The following MARCHF10 variants were observed in gnomAD, a reference collection of about 807,000 sequenced individuals.
The protein encoded by MARCHF10 is probable E3 ubiquitin-protein ligase MARCHF10.
In MARCHF10, 64 loss-of-function variants were observed where a neutral mutation model predicts 76.2. The ratio of observed to expected loss-of-function variants is 0.84; its 90% confidence interval spans 0.69 to 1.03. The LOEUF (loss-of-function observed/expected upper bound fraction) is 1.03. Among genes scored for constraint, MARCHF10 ranks in the 50% least tolerant of loss-of-function variants. MARCHF10 has a pLI of 0.00. For synonymous variants in MARCHF10, 340 were observed against 357.5 expected, an observed-to-expected ratio of 0.95 and a Z score of 0.55; for missense variants, 875 against 958.0, an observed-to-expected ratio of 0.91 and a Z score of 1.14.
At chr17:62,778,219 G>A (rs185489140) in intron 3 of MARCHF10, among the ~76,000 whole-genome samples, 2 of 152,260 alleles carry the variant, frequency 1.3e-5, no homozygotes, top group East Asian at 3.9e-4. Context: ...CCTCAGAGTT[G>A]AGGGTGCACA....
At chr17:62,741,299 C>T (rs138756066) in intron 5 of MARCHF10, among the ~76,000 whole-genome samples, 1,791 of 152,258 alleles carry the variant, frequency 0.012, 19 homozygotes, top group Middle Eastern at 0.027. Flanking sequence ...CTTGCTCATA[C>T]ATTTTTGACT....
chr17:62,732,252 A>C (rs1216568827), intron 6 of MARCHF10, among the ~76,000 whole-genome samples: 1 of 152,258 alleles, frequency 6.6e-6, no homozygotes, highest in African/African-American at 2.4e-5. Context: ...TAAAAATCCC[A>C]ACAAGTGGAT....
At chr17:62,746,150 CTAATT>C (rs1412522315) in intron 4 of MARCHF10, among the ~76,000 whole-genome samples, 4 of 152,188 alleles carry the variant, frequency 2.6e-5, no homozygotes, top group Admixed American at 2.0e-4. Context: ...CCCATGAAAC[CTAATT>C]TAATACAATG....
At chr17:62,748,095 C>T (rs952598342) in intron 4 of MARCHF10, among the ~76,000 whole-genome samples, 3 of 152,160 alleles carry the variant, frequency 2.0e-5, no homozygotes, top group Non-Finnish European at 4.4e-5. Flanking sequence ...TTTGTGTGTA[C>T]ATGGGTTTAA....
At chr17:62,779,512 T>C (rs941167817) in intron 3 of MARCHF10, among the ~76,000 whole-genome samples, 3 of 151,966 alleles carry the variant, frequency 2.0e-5, no homozygotes, top group Admixed American at 6.6e-5. Flanking sequence ...GATGAATCAA[T>C]AGGGAATGAA....
chr17:62,717,742 C>T (rs1043681697), intron 8 of MARCHF10, among the ~76,000 whole-genome samples: 15 of 152,218 alleles, frequency 9.9e-5, no homozygotes, highest in South Asian at 2.1e-4. Context: ...AGTCCCAGGA[C>T]GCCTCCTCGT....
At chr17:62,737,413 C>A in intron 5 of MARCHF10, 81 bp from the exon 6 acceptor site, 1 of 1,342,608 alleles carries the variant, frequency 7.4e-7, no homozygotes, top group Non-Finnish European at 1.0e-6. Flanking sequence ...TGCAAAATTG[C>A]CCTTTAAATG....
At chr17:62,795,646 G>C (rs2092972582) in intron 2 of MARCHF10, among the ~76,000 whole-genome samples, 1 of 152,190 alleles carries the variant, frequency 6.6e-6, no homozygotes, top group African/African-American at 2.4e-5. Flanking sequence ...CCAACACTTA[G>C]CGTATTTTAG....
rs1359442526 is a variant in MARCHF10, at chr17:62,736,438, A to AT, written c.1429dup (p.Met477AsnfsTer8). The stretch of plus-strand genomic sequence containing the variant: ...AATATCATCTCTCAGAGCAGAATGC[A>AT]TGAATGATGCAGGAGGGTTATAGGA... On this transcript the variant is annotated frameshift_variant, in exon 6 of 11. Coordinates refer to ENST00000311269, the MANE Select transcript of MARCHF10 (RefSeq NM_152598.4). LOFTEE classifies it high-confidence loss of function. 6.2e-7 allele frequency: 1 copy of AT among 1,614,102 alleles called. No individual in the cohort carries two copies. Among genetic ancestry groups the AT allele is most frequent in the Admixed American group, 1.7e-5 (1 of 60,014 alleles).
Position 62,744,447 on chromosome 17 carries a change from G to T in MARCHF10, c.464C>A (p.Pro155Gln), listed in dbSNP as rs147336333. 6.2e-7 allele frequency: 1 copy of T among 1,614,008 alleles called. No homozygotes were observed. Among genetic ancestry groups the T allele is most frequent in the Admixed American group, 1.7e-5 (1 of 59,990 alleles). Residue 155 changes from proline to glutamine, a missense_variant, in exon 5 of 11, where the codon CCG (proline) becomes CAG (glutamine). By Grantham distance (76) the Pro-to-Gln change is moderately conservative (BLOSUM62 -1). Coordinates refer to ENST00000311269, the MANE Select transcript of MARCHF10 (RefSeq NM_152598.4). The stretch of plus-strand genomic sequence containing the variant: ...TCTGCTTCTGTCCCCAGATGCTCTC[G>T]GGCTGTGCGATTCTGGGCTGACTGT... Reference protein sequence around the residue: ...RFTVSPESHSPRASGDRSRQK... With the variant: ...RFTVSPESHSQRASGDRSRQK...
chr17:62,775,135 T>TTTTG (rs1012622641), intron 3 of MARCHF10, among the ~76,000 whole-genome samples: 1 of 150,004 alleles, frequency 6.7e-6, no homozygotes, highest in Non-Finnish European at 1.5e-5. Context: ...GGCCTTCCTT[T>TTTTG]TTTTTTTTCA....
intron 5 of MARCHF10, among the ~76,000 whole-genome samples, chr17:62,743,985 G>A (rs2147858988): frequency 6.6e-6 from 1 of 152,224 alleles, no homozygotes; most frequent in South Asian, 2.1e-4. Context: ...TGCCAGGTGG[G>A]ACATGCCCCA....
chr17:62,776,206 A>G (rs1216250388), intron 3 of MARCHF10, among the ~76,000 whole-genome samples: 1 of 152,236 alleles, frequency 6.6e-6, no homozygotes, highest in Non-Finnish European at 1.5e-5. Context: ...TTACAAAGGA[A>G]AAAAAGACAT....
intron 4 of MARCHF10, among the ~76,000 whole-genome samples, chr17:62,757,130 A>G (rs775490589): frequency 6.6e-6 from 1 of 152,076 alleles, no homozygotes; most frequent in Non-Finnish European, 1.5e-5. Flanking sequence ...CCCCAGCTAT[A>G]TATTTTTTTT....
In MARCHF10 at chr17:62,768,381, G is replaced by A. The variant is rs150804016; in HGVS notation, c.211-8375C>T. 3.9e-3 allele frequency among the ~76,000 whole-genome samples: 598 copies of A among 152,206 alleles called. 2 individuals carry two copies. Among genetic ancestry groups the A allele is most frequent in the African/African-American group, 0.014 (582 of 41,538 alleles). Reference sequence around the variant, plus strand: ...AAGATACCAAAAATTAGCCGGGCATGGTGGCATGGGCACCTGTAGTCCCAG... The same window carrying A: ...AAGATACCAAAAATTAGCCGGGCATAGTGGCATGGGCACCTGTAGTCCCAG... On this transcript the variant is annotated intron_variant, in intron 3 of 10. Transcript: ENST00000311269.
rs762013373 is a variant in MARCHF10 at position 62,736,725 on chromosome 17, A to G, written c.1143T>C (p.Asp381=). 3 of 1,614,094 alleles carry G rather than the reference A, an allele frequency of 1.9e-6. No homozygotes were observed. The highest frequency in any genetic ancestry group is 2.5e-6 in the Non-Finnish European group (3 of 1,180,004). The change falls in exon 6 of 11, where the codon GAT becomes GAC. Residue 381 remains aspartate (D), a synonymous_variant. Coordinates refer to ENST00000311269, the MANE Select transcript of MARCHF10 (RefSeq NM_152598.4). The part of the protein sequence containing the change: ...QRLSQDPGLP[D]RESATEKDRG... ...TGTCCTTCTCTGTAGCAGATTCCCT[A>G]TCAGGCAGCCCGGGGTCTTGGGACA...
intron 3 of MARCHF10, among the ~76,000 whole-genome samples, chr17:62,773,867 A>G (rs925036546): frequency 3.3e-5 from 5 of 152,354 alleles, no homozygotes; most frequent in Admixed American, 3.3e-4. Context: ...CAGCGGCATC[A>G]CTTTTGAAAG....
intron 6 of MARCHF10, among the ~76,000 whole-genome samples, chr17:62,730,727 C>G (rs2090989714): frequency 6.6e-6 from 1 of 152,038 alleles, no homozygotes; most frequent in Non-Finnish European, 1.5e-5. Context: ...AACCCTGTCT[C>G]TACTAAAAAT....
intron 3 of MARCHF10, among the ~76,000 whole-genome samples, chr17:62,784,871 AAG>A (rs753563907): frequency 3.3e-5 from 5 of 152,178 alleles, no homozygotes; most frequent in Non-Finnish European, 5.9e-5. Flanking sequence ...AACGAAATAA[AAG>A]AGGACAAAAA....
Sources: allele counts gnomAD v4.1 joint callset (sites outside exome capture counted in the v4.1 genomes callset), GRCh38; gene constraint gnomAD v4.1.1; transcripts MANE v1.5; gene names NCBI Gene and HGNC (gene_info 2026-07-23, HGNC 2026-07-21).